The following TNPO2 variants were observed in gnomAD, a reference collection of about 807,000 sequenced individuals.
TNPO2 encodes transportin-2.
Under a neutral mutation model 111.1 loss-of-function variants are expected in TNPO2, and 16 were observed. The ratio of observed to expected loss-of-function variants is 0.14; its 90% CI spans 0.10 to 0.22. TNPO2 has a LOEUF of 0.22. Ranked by LOEUF, TNPO2 falls within the 10% of genes least tolerant of loss-of-function variation. The probability of loss-of-function intolerance (pLI) is 1.00; values close to 1 mark genes in which losing one functional copy is unlikely to be tolerated. For synonymous variants in TNPO2, 481 were observed against 475.8 expected, an observed-to-expected ratio of 1.01 and a Z score of -0.14; for missense variants, 530 against 1,173.7, an observed-to-expected ratio of 0.45 and a Z score of 8.01.
At chr19:12,710,287 C>T (rs116609445) in intron 13 of TNPO2, among the ~76,000 whole-genome samples, 2,565 of 152,276 alleles carry the variant, frequency 0.017, 36 homozygotes, top group Middle Eastern at 0.051. Context: ...CGGCACCCAG[C>T]TCATCAGGTG....
Position 12,705,414 on chromosome 19 carries a change from G to A in TNPO2, c.1864-16C>T, listed in dbSNP as rs756083618. 23 of 1,578,924 alleles carry A rather than the reference G, an allele frequency of 1.5e-5. No individual in the cohort carries two copies. The highest frequency in any genetic ancestry group is 1.7e-4 in the Middle Eastern group (1 of 6,028). ...GGGTGTACATCTAGACACAGATGCC[G>A]ACAGGGGCACGGGTAAGTGGAGCAG... On this transcript the variant is annotated splice_polypyrimidine_tract_variant and intron_variant, in intron 17 of 25. Coordinates refer to ENST00000425528, the MANE Select transcript of TNPO2 (RefSeq NM_001382241.1). The surrounding 1 kb of genome is among the most constrained non-coding windows in gnomAD (Gnocchi z 7.2).
In TNPO2 at chr19:12,702,986, C is replaced by T; in HGVS notation, c.2210-68G>A. 1.4e-6 allele frequency: 2 copies of T among 1,406,448 alleles called. No homozygotes were observed. The highest frequency in any genetic ancestry group is 2.0e-6 in the Non-Finnish European group (2 of 1,000,308). The allele number at this position is 1,406,448 out of a possible 1,614,324, so 87.1% of individuals were successfully genotyped here. ...CCACAGGGGCCAGGGGGCCGCCCCA[C>T]CTCACTCACTACTCGCCCCAGTTCC... On this transcript the variant is annotated intron_variant, in intron 20 of 25. Coordinates refer to ENST00000425528, the MANE Select transcript of TNPO2 (RefSeq NM_001382241.1). This position sits in a 1 kb window ranked among gnomAD's most constrained non-coding sequence, Gnocchi z 5.5.
chr19:12,711,195 C>T, intron 12 of TNPO2, 101 bp downstream of exon 12: 4 of 1,493,956 alleles, frequency 2.7e-6, no homozygotes, highest in East Asian at 2.3e-5. Context: ...CGCCCGGCCA[C>T]GATCAGCTTC....
At chr19:12,711,209 T>A in intron 12 of TNPO2, 87 bp downstream of exon 12, 1 of 1,533,638 alleles carries the variant, frequency 6.5e-7, no homozygotes, top group Non-Finnish European at 8.8e-7. Flanking sequence ...CAGCTTCTAA[T>A]CAGCTTCTGC....
In TNPO2 at chr19:12,706,064, C is replaced by A; in HGVS notation, c.1668+132G>T. ...CACTAGACTGGGAGCAGGGCGAGGG[C>A]GGGGCCGGGTCTGTCTGTCTGCCTG... On this transcript the variant is annotated intron_variant, in intron 15 of 25. Coordinates refer to ENST00000425528, the MANE Select transcript of TNPO2 (RefSeq NM_001382241.1). This position sits in a 1 kb window ranked among gnomAD's most constrained non-coding sequence, Gnocchi z 7.0. 9.8e-7 allele frequency: 1 copy of A among 1,017,954 alleles called. No individual in the cohort carries two copies. The highest frequency in any genetic ancestry group is 1.4e-6 in the Non-Finnish European group (1 of 705,978). The allele number at this position is 1,017,954 out of a possible 1,614,324, so 63.1% of individuals were successfully genotyped here.
chr19:12,703,850 C>A, intron 18 of TNPO2, 49 bp from the exon 19 acceptor site: 2 of 1,475,620 alleles, frequency 1.4e-6, no homozygotes, highest in Non-Finnish European at 1.8e-6. Flanking sequence ...TCCTTCTAAC[C>A]AGGACAGCTC....
At chr19:12,720,839 T>G in intron 3 of TNPO2, 40 bp downstream of exon 3, 1 of 1,551,282 alleles carries the variant, frequency 6.4e-7, no homozygotes, top group Non-Finnish European at 8.7e-7. Flanking sequence ...ACTGCACGCA[T>G]CTACCCGGCT....
Position 12,721,127 on chromosome 19 carries a change from C to T in TNPO2, c.-13-137G>A, listed in dbSNP as rs1201486034. 6.7e-6 allele frequency: 10 copies of T among 1,489,988 alleles called. No individual in the cohort carries two copies. The highest frequency in any genetic ancestry group is 2.6e-5 in the East Asian group (1 of 38,218). 92.3% of individuals were successfully genotyped at this position (1,489,988 alleles called of 1,614,324 possible). ...ACAGGCGGAGGCCTCCGATCCACGC[C>T]CGCCCAAGTGCGGGGTCCCCGCCAG... is the stretch of plus-strand genomic sequence containing the variant. On this transcript the variant is annotated intron_variant, in intron 2 of 25. Transcript: ENST00000425528. The surrounding 1 kb of genome is among the most constrained non-coding windows in gnomAD (Gnocchi z 4.9).
Position 12,701,101 on chromosome 19 carries a change from T to C in TNPO2, c.*163A>G, listed in dbSNP as rs910806467. 9 of 451,068 alleles carry C rather than the reference T, an allele frequency of 2.0e-5. No homozygotes were observed. Among genetic ancestry groups the C allele is most frequent in the Non-Finnish European group, 2.8e-5 (7 of 251,906 alleles). The allele number at this position is 451,068 out of a possible 1,614,324, so 27.9% of individuals were successfully genotyped here. On this transcript the variant is annotated 3_prime_UTR_variant, in exon 26 of 26. Coordinates refer to ENST00000425528, the MANE Select transcript of TNPO2 (RefSeq NM_001382241.1). The surrounding 1 kb of genome is among the most constrained non-coding windows in gnomAD (Gnocchi z 5.0). ...CCTGCCAGGAGGGCAAGTGGACGGATGGACGGACGGACGGACGGACGGGGA... is the reference window on the plus strand; with the variant it reads ...CCTGCCAGGAGGGCAAGTGGACGGACGGACGGACGGACGGACGGACGGGGA...
intron 3 of TNPO2, among the ~76,000 whole-genome samples, chr19:12,720,209 G>C (rs2026601889): frequency 6.6e-6 from 1 of 152,028 alleles, no homozygotes; most frequent in Non-Finnish European, 1.5e-5. Context: ...GTAGAGACAG[G>C]GTTTCTCCAT....
chr19:12,710,905 T>C lies in TNPO2; in HGVS notation c.1118-132A>G, dbSNP rs1025301377. 2.8e-6 allele frequency: 3 copies of C among 1,058,954 alleles called. No individual in the cohort carries two copies. The African/African-American group carries it at 4.9e-5, about 17-fold the overall frequency. The allele number at this position is 1,058,954 out of a possible 1,614,324, so 65.6% of individuals were successfully genotyped here. A position where few individuals can be genotyped will look rare whatever the true frequency, so the allele number is the denominator to read the frequency against. ...GATCAGCTTCTTTTTTTTTGTTTTG[T>C]TTTTTTGAGACGGAGTCTCACTTTT... On this transcript the variant is annotated intron_variant, in intron 12 of 25. Coordinates refer to ENST00000425528, the MANE Select transcript of TNPO2 (RefSeq NM_001382241.1).
chr19:12,702,004 C>A lies in TNPO2; in HGVS notation c.2411+68G>T. ...CAGTAGGCAGATGGGGCTGGAAATGCACAGGCGAGGGAGGGGGTTGGGCCA... is the reference window on the plus strand; with the variant it reads ...CAGTAGGCAGATGGGGCTGGAAATGAACAGGCGAGGGAGGGGGTTGGGCCA... On this transcript the variant is annotated intron_variant, in intron 22 of 25. Coordinates refer to ENST00000425528, the MANE Select transcript of TNPO2 (RefSeq NM_001382241.1). The surrounding 1 kb of genome is among the most constrained non-coding windows in gnomAD (Gnocchi z 5.5). The A allele has an allele frequency of 2.6e-6, 4 of 1,521,006 alleles. No homozygotes were observed. The highest frequency in any genetic ancestry group is 3.6e-6 in the Non-Finnish European group (4 of 1,096,744). 94.2% of individuals were successfully genotyped at this position (1,521,006 alleles called of 1,614,324 possible). A position where few individuals can be genotyped will look rare whatever the true frequency, so the allele number is the denominator to read the frequency against.
chr19:12,701,496 A>AG lies in TNPO2; in HGVS notation c.2587-44dup, dbSNP rs1428159940. 1.3e-6 allele frequency: 2 copies of AG among 1,597,578 alleles called. No homozygotes were observed. The highest frequency in any genetic ancestry group is 1.7e-6 in the Non-Finnish European group (2 of 1,165,320). On this transcript the variant is annotated intron_variant, in intron 24 of 25. Transcript: ENST00000425528. This position sits in a 1 kb window ranked among gnomAD's most constrained non-coding sequence, Gnocchi z 5.0. Reference sequence around the variant, plus strand: ...GTGAGGGGTAGGCAGGGGCAGAACAAGGGGAGTGCGCCTCTTCCCCCATCC... The same window carrying AG: ...GTGAGGGGTAGGCAGGGGCAGAACAAGGGGGAGTGCGCCTCTTCCCCCATCC...
chr19:12,712,287 A>G (rs1318626390), intron 10 of TNPO2, among the ~76,000 whole-genome samples: 1 of 152,202 alleles, frequency 6.6e-6, no homozygotes, highest in Non-Finnish European at 1.5e-5. Flanking sequence ...GCGGTAGCAA[A>G]AGGTGTCAAG....
Position 12,711,604 on chromosome 19 carries a change from G to A in TNPO2, c.900C>T (p.Pro300=), listed in dbSNP as rs1278628583. 2 of 1,613,550 alleles carry A rather than the reference G, an allele frequency of 1.2e-6. No homozygotes were observed. Among genetic ancestry groups the A allele is most frequent in the East Asian group, 4.5e-5 (2 of 44,874 alleles). Residue 300 remains proline, a synonymous_variant, in exon 11 of 26, where the codon CCC becomes CCT. Transcript: ENST00000425528. The part of the protein sequence containing the change: ...VLASHLVQLI[P]ILVNGMKYSE... ...AGTACTTCATCCCATTCACCAAGAT[G>A]GGGATCAACCTGCACAGAGAGGGAC...
At chr19:12,709,292 G>A (rs1009214899) in intron 13 of TNPO2, among the ~76,000 whole-genome samples, 1 of 151,084 alleles carries the variant, frequency 6.6e-6, no homozygotes, top group African/African-American at 2.4e-5. Flanking sequence ...AACCTGGAAG[G>A]CGGAGGTTGC....
In TNPO2 at chr19:12,702,527, C is replaced by T. The variant is rs747774710; in HGVS notation, c.2305+296G>A. 9.7e-6 allele frequency: 5 copies of T among 515,408 alleles called. No individual in the cohort carries two copies. The highest frequency in any genetic ancestry group is 1.4e-5 in the Non-Finnish European group (4 of 285,296). The allele number at this position is 515,408 out of a possible 1,614,324, so 31.9% of individuals were successfully genotyped here. On this transcript the variant is annotated intron_variant, in intron 21 of 25. Coordinates refer to ENST00000425528, the MANE Select transcript of TNPO2 (RefSeq NM_001382241.1). The surrounding 1 kb of genome is among the most constrained non-coding windows in gnomAD (Gnocchi z 5.5). ...GATTGCAGGCACGTGCCATTACCCC[C>T]GGCTAATTTTTGTATTTTTTAGTAG...
rs1966916862 is a variant in TNPO2 at position 12,721,242 on chromosome 19, G to C, written c.-13-252C>G. ...CCACAGGCGGCGGCGGCGGGGCCCG[G>C]CGGATCCTCATGGGACCCAGCGAAG... On this transcript the variant is annotated intron_variant, in intron 2 of 25. Coordinates refer to ENST00000425528, the MANE Select transcript of TNPO2 (RefSeq NM_001382241.1). This position sits in a 1 kb window ranked among gnomAD's most constrained non-coding sequence, Gnocchi z 4.9. 7.6e-7 allele frequency: 1 copy of C among 1,308,002 alleles called. No homozygotes were observed. The highest frequency in any genetic ancestry group is 3.7e-5 in the Admixed American group (1 of 27,016). The allele number at this position is 1,308,002 out of a possible 1,614,324, so 81.0% of individuals were successfully genotyped here. A position where few individuals can be genotyped will look rare whatever the true frequency, so the allele number is the denominator to read the frequency against.
Position 12,715,759 on chromosome 19 carries a change from A to G in TNPO2, c.326-20T>C, listed in dbSNP as rs773463800. 6.3e-7 allele frequency: 1 copy of G among 1,587,512 alleles called. No homozygotes were observed. The highest frequency in any genetic ancestry group is 8.6e-7 in the Non-Finnish European group (1 of 1,167,660). On this transcript the variant is annotated intron_variant, in intron 5 of 25. Transcript: ENST00000425528. This position sits in a 1 kb window ranked among gnomAD's most constrained non-coding sequence, Gnocchi z 7.1. ...GAATGCCTGGGGCGGCCGGGAAAGGACGCTGCCTGAGGCTGGGCAGGGGCT... is the reference window on the plus strand; with the variant it reads ...GAATGCCTGGGGCGGCCGGGAAAGGGCGCTGCCTGAGGCTGGGCAGGGGCT...
Sources: gnomAD v4.1 joint callset for allele counts (sites outside exome capture counted in the v4.1 genomes callset) on GRCh38, gnomAD v4.1.1 for gene constraint, Gnocchi (gnomAD v3.1) non-coding constraint, MANE v1.5 for transcripts, NCBI Gene and HGNC (gene_info 2026-07-23, HGNC 2026-07-21) for gene names.